The following LRRC20 variants were observed in gnomAD, a reference collection of about 807,000 sequenced individuals.
The protein encoded by LRRC20 is leucine rich repeat containing 20, also known as leucine-rich repeat-containing protein 20.
In LRRC20, 11 loss-of-function variants were observed where a neutral mutation model predicts 14.4. The ratio of observed to expected loss-of-function variants is 0.77; its 90% CI spans 0.48 to 1.27. LRRC20 has a LOEUF of 1.27. Among genes scored for constraint, LRRC20 ranks in the 50% most tolerant of loss-of-function variants. LRRC20 has a pLI of 0.00. For missense variants in LRRC20, 219 were observed against 251.2 expected (o/e 0.87, Z 0.87); for synonymous variants, 121 against 107.3 (o/e 1.13, Z -0.79).
intron 2 of LRRC20, among the ~76,000 whole-genome samples, chr10:70,366,100 C>T (rs1273475970): frequency 6.3e-5 from 9 of 143,276 alleles, no homozygotes; most frequent in African/African-American, 1.8e-4. Context: ...CAACAAAAAA[C>T]GAATGGATAG....
At chr10:70,356,629 G>T (rs1433286174) in intron 2 of LRRC20, among the ~76,000 whole-genome samples, 1 of 152,212 alleles carries the variant, frequency 6.6e-6, no homozygotes, top group Non-Finnish European at 1.5e-5. Flanking sequence ...GAGGCGGGCA[G>T]ATCACGAGGT....
chr10:70,340,280 C>T (rs1173467718), intron 3 of LRRC20, among the ~76,000 whole-genome samples: 2 of 152,168 alleles, frequency 1.3e-5, no homozygotes, highest in Admixed American at 1.3e-4. Flanking sequence ...GACCCAAACA[C>T]CCTGCTGGTC....
chr10:70,377,961 A>G (rs773129336), intron 1 of LRRC20, among the ~76,000 whole-genome samples: 1 of 152,136 alleles, frequency 6.6e-6, no homozygotes, highest in Non-Finnish European at 1.5e-5. Flanking sequence ...GCCTTGGGAG[A>G]GTTTCTTAAC....
intron 4 of LRRC20, among the ~76,000 whole-genome samples, chr10:70,314,354 T>G (rs1356843505): frequency 6.6e-6 from 1 of 152,160 alleles, no homozygotes; most frequent in Non-Finnish European, 1.5e-5. Flanking sequence ...CATTCCCCAT[T>G]CCCTAGCCTG....
At chr10:70,328,396 A>C (rs1004596919) in intron 3 of LRRC20, among the ~76,000 whole-genome samples, 8 of 151,644 alleles carry the variant, frequency 5.3e-5, no homozygotes, top group Admixed American at 5.3e-4. Context: ...CCCTGGGTTC[A>C]AGCAATTCTC....
intron 3 of LRRC20, among the ~76,000 whole-genome samples, chr10:70,327,068 C>T (rs868379196): frequency 6.6e-6 from 1 of 152,176 alleles, no homozygotes; most frequent in Non-Finnish European, 1.5e-5. Flanking sequence ...CCCCTGGAGA[C>T]ATTTCCAAGA....
At chr10:70,318,772 G>C (rs1841969860) in intron 4 of LRRC20, among the ~76,000 whole-genome samples, 1 of 149,848 alleles carries the variant, frequency 6.7e-6, no homozygotes, top group Middle Eastern at 3.5e-3. Flanking sequence ...AAAAAAAAGT[G>C]TTGTTACTGT....
chr10:70,348,203 C>G (rs1843152133), intron 2 of LRRC20, among the ~76,000 whole-genome samples: 1 of 152,158 alleles, frequency 6.6e-6, no homozygotes. Context: ...TCCAGGAGTT[C>G]CACAGAAGGG....
intron 4 of LRRC20, among the ~76,000 whole-genome samples, chr10:70,309,412 G>A (rs1841556378): frequency 6.6e-6 from 1 of 152,114 alleles, no homozygotes; most frequent in African/African-American, 2.4e-5. Context: ...GTGGAGGCAG[G>A]ACAGTTCCTG....
At chr10:70,371,241 A>G (rs1844254712) in intron 2 of LRRC20, among the ~76,000 whole-genome samples, 1 of 151,826 alleles carries the variant, frequency 6.6e-6, no homozygotes, top group African/African-American at 2.4e-5. Flanking sequence ...GACTCATGCA[A>G]TCCTCTCGCC....
At chr10:70,369,530 GGAGGCAGAGATTGCCGT>G (rs985302563) in intron 2 of LRRC20, among the ~76,000 whole-genome samples, 3 of 147,874 alleles carry the variant, frequency 2.0e-5, no homozygotes, top group Non-Finnish European at 4.4e-5. Context: ...CTTGAACCTG[GGAGGCAGAGATTGCCGT>G]GAGCCGAGAT....
intron 3 of LRRC20, among the ~76,000 whole-genome samples, chr10:70,328,588 T>C (rs561503984): frequency 2.6e-4 from 40 of 152,240 alleles, no homozygotes; most frequent in African/African-American, 8.4e-4. Context: ...TGAGCCACCA[T>C]GCCCGGTCAG....
chr10:70,334,483 T>C (rs1452617140), intron 3 of LRRC20, among the ~76,000 whole-genome samples: 1 of 152,058 alleles, frequency 6.6e-6, no homozygotes, highest in Non-Finnish European at 1.5e-5. Context: ...TCTCCTCCCT[T>C]CCCAGAACTC....
At chr10:70,314,652 A>G (rs55845363) in intron 4 of LRRC20, among the ~76,000 whole-genome samples, 21,805 of 151,914 alleles carry the variant, frequency 0.14, 1,670 homozygotes, top group Middle Eastern at 0.31. Flanking sequence ...AGCCTGCCCA[A>G]TGATTTGAAT....
chr10:70,328,774 C>T (rs769331985), intron 3 of LRRC20, among the ~76,000 whole-genome samples: 1 of 152,102 alleles, frequency 6.6e-6, no homozygotes, highest in Non-Finnish European at 1.5e-5. Flanking sequence ...AAAAATCAGC[C>T]AGGCATGGCA....
intron 2 of LRRC20, among the ~76,000 whole-genome samples, chr10:70,355,514 C>A (rs777371465): frequency 1.3e-5 from 2 of 152,048 alleles, no homozygotes; most frequent in Admixed American, 6.6e-5. Context: ...GGAGGGTTGT[C>A]GGGAAGAGAA....
chr10:70,350,096 A>G (rs927184844), intron 2 of LRRC20, among the ~76,000 whole-genome samples: 3 of 152,230 alleles, frequency 2.0e-5, no homozygotes, highest in African/African-American at 4.8e-5. Flanking sequence ...ATGCTCAGAG[A>G]AGAAGGCTCC....
intron 3 of LRRC20, among the ~76,000 whole-genome samples, chr10:70,336,693 T>G (rs1842734912): frequency 6.6e-6 from 1 of 152,236 alleles, no homozygotes; most frequent in African/African-American, 2.4e-5. Context: ...GCTGCCTGCC[T>G]TTGAGTCTCT....
At chr10:70,336,832 A>G (rs1842737989) in intron 3 of LRRC20, among the ~76,000 whole-genome samples, 1 of 152,170 alleles carries the variant, frequency 6.6e-6, no homozygotes, top group African/African-American at 2.4e-5. Context: ...CTGGCCTGGC[A>G]GTCCCAGGAC....
Sources: allele counts gnomAD v4.1 joint callset (sites outside exome capture counted in the v4.1 genomes callset), GRCh38; gene constraint gnomAD v4.1.1; transcripts MANE v1.5; gene names NCBI Gene and HGNC (gene_info 2026-07-23, HGNC 2026-07-21).